Variants in TNC observed in about 807,000 individuals in gnomAD.
TNC encodes the protein tenascin.
In TNC, 109 loss-of-function variants were observed where a neutral mutation model predicts 202.4. The ratio of observed to expected loss-of-function variants is 0.54; its 90% CI spans 0.46 to 0.63. The LOEUF (loss-of-function observed/expected upper bound fraction) is 0.63. Among genes scored for constraint, TNC ranks in the 30% least tolerant of loss-of-function variants. The pLI is 0.00. For synonymous variants in TNC, 1,007 were observed against 1,089.7 expected, an observed-to-expected ratio of 0.92 and a Z score of 1.50; for missense variants, 2,756 against 2,833.3, an observed-to-expected ratio of 0.97 and a Z score of 0.62.
chr9:115,093,799 G>C (rs1448370437), intron 1 of TNC, among the ~76,000 whole-genome samples: 1 of 152,210 alleles, frequency 6.6e-6, no homozygotes. Flanking sequence ...AGTGTGAGTA[G>C]AGTGAGGATT....
At position 115,059,710 on chromosome 9, in the gene TNC, T is replaced by A; in HGVS notation, c.4306+20A>T. On this transcript the variant is annotated intron_variant, in intron 14 of 27. Coordinates refer to ENST00000350763, the MANE Select transcript of TNC (RefSeq NM_002160.4). The stretch of plus-strand genomic sequence containing the variant: ...AGCAAAGAACCTTGGGGAGAAAGCA[T>A]TGACAGGGAGAGGAAGTACCTGTGG... The A allele has an allele frequency of 3.9e-6, 6 of 1,556,890 alleles. No individual in the cohort carries two copies. The highest frequency in any genetic ancestry group is 5.2e-6 in the Non-Finnish European group (6 of 1,152,140).
chr9:115,084,098 GTA>G (rs1834518803), intron 4 of TNC, 109 bp downstream of exon 4: 4 of 1,170,864 alleles, frequency 3.4e-6, no homozygotes, highest in Non-Finnish European at 4.8e-6. Flanking sequence ...CTCTTATTTG[GTA>G]TAACTGTAAA....
chr9:115,090,807 G>A lies in TNC; in HGVS notation c.212C>T (p.Ala71Val). The change falls in exon 2 of 28, where the codon GCC becomes GTC. Residue 71 changes from alanine to valine, a missense_variant. Coordinates refer to ENST00000350763, the MANE Select transcript of TNC (RefSeq NM_002160.4). ...CGGTGCCAGGTCTTTCTCCCCACTG[G>A]CTGACTCCAGATCCACCGAACACTG... ...GSQCSVDLESASGEKDLAPPS... is the reference protein window; with the variant it reads ...GSQCSVDLESVSGEKDLAPPS... 1 of 1,614,148 alleles carries A rather than the reference G, an allele frequency of 6.2e-7. No homozygotes were observed. Among genetic ancestry groups the A allele is most frequent in the Non-Finnish European group, 8.5e-7 (1 of 1,180,018 alleles).
chr9:115,031,608 G>T lies in TNC; in HGVS notation c.5865C>A (p.Ile1955=), dbSNP rs772468160. 6.2e-6 allele frequency: 10 copies of T among 1,611,980 alleles called. No individual in the cohort carries two copies. The highest frequency in any genetic ancestry group is 6.8e-6 in the Non-Finnish European group (8 of 1,179,048). Residue 1955 remains isoleucine, a synonymous_variant, in exon 23 of 28, where the codon ATC becomes ATA. Coordinates refer to ENST00000350763, the MANE Select transcript of TNC (RefSeq NM_002160.4). ...LSPSTHYTAK[I]QALNGPLRSN... Reference sequence around the variant, plus strand: ...TCCTCAGGGGCCCATTGAGTGCCTGGATCTTGGCTGTGTAGTGGGTGGATG... The same window carrying T: ...TCCTCAGGGGCCCATTGAGTGCCTGTATCTTGGCTGTGTAGTGGGTGGATG...
intron 15 of TNC, among the ~76,000 whole-genome samples, chr9:115,056,930 GT>G (rs1832168317): frequency 6.6e-6 from 1 of 152,190 alleles, no homozygotes; most frequent in Non-Finnish European, 1.5e-5. Context: ...ATTTTATGCT[GT>G]AAACATCCTG....
chr9:115,103,410 T>A (rs1025977819), intron 1 of TNC, among the ~76,000 whole-genome samples: 3 of 152,248 alleles, frequency 2.0e-5, no homozygotes, highest in African/African-American at 7.2e-5. Flanking sequence ...TTTCTCATTT[T>A]AAATTTTTAC....
Position 115,064,782 on chromosome 9 carries a change from G to A in TNC, c.3352C>T (p.Arg1118Trp), listed in dbSNP as rs148058884. Reference sequence around the variant, plus strand: ...AGGCTGCCAGGCACGGTGAGGTTCCGAGCTGCCTCCACCTTGTTGGCCTCC... The same window carrying A: ...AGGCTGCCAGGCACGGTGAGGTTCCAAGCTGCCTCCACCTTGTTGGCCTCC... ...VQEANKVEAA[R>W]NLTVPGSLRA... The change falls in exon 11 of 28, where the codon CGG becomes TGG. Residue 1118 changes from arginine (R) to tryptophan (W), a missense_variant. This residue lies in a region of TNC where 2,559 missense variants were observed against 2,546.0 expected (regional missense o/e 1.01). Coordinates refer to ENST00000350763, the MANE Select transcript of TNC (RefSeq NM_002160.4). 399 of 1,614,108 alleles carry A rather than the reference G, an allele frequency of 2.5e-4. 2 individuals carry two copies. The highest frequency in any genetic ancestry group is 1.3e-3 in the Middle Eastern group (8 of 6,062).
intron 16 of TNC, 71 bp downstream of exon 16, chr9:115,048,189 G>C: frequency 6.5e-7 from 1 of 1,546,876 alleles, no homozygotes; most frequent in South Asian, 1.2e-5. Context: ...TAAAGTCATG[G>C]CGATCCGGTA....
intron 17 of TNC, among the ~76,000 whole-genome samples, chr9:115,045,541 A>ATTTTT (rs61415443): frequency 1.1e-4 from 12 of 110,122 alleles, no homozygotes; most frequent in East Asian, 8.1e-4. Flanking sequence ...TAAGTTTTTG[A>ATTTTT]TTTTTTTTTT....
Position 115,084,380 on chromosome 9 carries a change from C to T in TNC, c.1960G>A (p.Val654Ile). The T allele has an allele frequency of 1.2e-6, 2 of 1,614,200 alleles. No individual in the cohort carries two copies. Among genetic ancestry groups the T allele is most frequent in the East Asian group, 2.2e-5 (1 of 44,876 alleles). Reference sequence around the variant, plus strand: ...CCCTCGTGGGTGGGCGTGTACACGACAAGGTACTCTGTGACCCGCATCTCA... The same window carrying T: ...CCCTCGTGGGTGGGCGTGTACACGATAAGGTACTCTGTGACCCGCATCTCA... ...DNEMRVTEYL[V>I]VYTPTHEGGL... is the part of the protein sequence containing the mutation. The change falls in exon 4 of 28, where the codon GTC becomes ATC. Residue 654 changes from valine to isoleucine, a missense_variant. Around this residue, in one of 2 missense-constraint regions of TNC, gnomAD observed 2,559 missense variants for 2,546.0 expected, o/e 1.01. Transcript: ENST00000350763.
intron 9 of TNC, among the ~76,000 whole-genome samples, 181 bp from the exon 10 acceptor site, chr9:115,074,047 A>G (rs182188505): frequency 6.6e-5 from 10 of 152,276 alleles, no homozygotes; most frequent in African/African-American, 1.9e-4. Flanking sequence ...CTAATTATAC[A>G]TCACCCACAT....
intron 15 of TNC, among the ~76,000 whole-genome samples, chr9:115,052,223 T>C (rs760800776): frequency 2.6e-5 from 4 of 151,922 alleles, no homozygotes; most frequent in Non-Finnish European, 4.4e-5. Flanking sequence ...AGACAAATAC[T>C]GCGTGATCTC....
intron 22 of TNC, 53 bp downstream of exon 22, chr9:115,035,151 G>A: frequency 1.3e-6 from 2 of 1,527,284 alleles, no homozygotes; most frequent in Non-Finnish European, 1.8e-6. Flanking sequence ...ATACTTTGAA[G>A]ATCATGCAAA....
chr9:115,078,139 G>C lies in TNC; in HGVS notation c.2478C>G (p.Pro826=). The C allele has an allele frequency of 6.2e-7, 1 of 1,614,122 alleles. No individual in the cohort carries two copies. The highest frequency in any genetic ancestry group is 8.5e-7 in the Non-Finnish European group (1 of 1,179,976). The change falls in exon 7 of 28, where the codon CCC becomes CCG. Residue 826 remains proline (P), a synonymous_variant. Coordinates refer to ENST00000350763, the MANE Select transcript of TNC (RefSeq NM_002160.4). Reference sequence around the variant, plus strand: ...GCTCAATGCCATCGATCTCAGCCAGGGGCTTGAACCAGGTGATCAAGGCAG... The same window carrying C: ...GCTCAATGCCATCGATCTCAGCCAGCGGCTTGAACCAGGTGATCAAGGCAG... ...DTTALITWFK[P]LAEIDGIELT...
Position 115,086,876 on chromosome 9 carries a change from G to C in TNC, c.855C>G (p.Leu285=). The change falls in exon 3 of 28, where the codon CTC becomes CTG. Residue 285 remains leucine (L), a synonymous_variant. Coordinates refer to ENST00000350763, the MANE Select transcript of TNC (RefSeq NM_002160.4). ...AGDDCNKPLC[L]NNCYNRGRCV... ...ATCGTCCACGGTTGTAGCAATTGTT[G>C]AGACACAGAGGCTTGTTGCAGTCAT... is the stretch of plus-strand genomic sequence containing the variant. 1 of 1,614,080 alleles carries C rather than the reference G, an allele frequency of 6.2e-7. No individual in the cohort carries two copies. Among genetic ancestry groups the C allele is most frequent in the African/African-American group, 1.3e-5 (1 of 74,996 alleles).
intron 2 of TNC, among the ~76,000 whole-genome samples, chr9:115,090,301 G>C (rs900123829): frequency 6.6e-6 from 1 of 152,124 alleles, no homozygotes; most frequent in Non-Finnish European, 1.5e-5. Context: ...TATAATTAAG[G>C]TAAAATAGGG....
intron 10 of TNC, among the ~76,000 whole-genome samples, chr9:115,068,161 C>T (rs927378450): frequency 1.7e-4 from 26 of 152,162 alleles, no homozygotes; most frequent in African/African-American, 6.3e-4. Context: ...GGACTTACTG[C>T]CCTAGAAGCC....
Position 115,062,908 on chromosome 9 carries a change from G to T in TNC, c.4033+9C>A. On this transcript the variant is annotated intron_variant, in intron 13 of 27. Transcript: ENST00000350763. ...ATCATGTCTCCAGTCTGGGAGGAGG[G>T]TCATATACCTGTGACGACCTCTACA... 2 of 1,610,822 alleles carry T rather than the reference G, an allele frequency of 1.2e-6. No individual in the cohort carries two copies. The highest frequency in any genetic ancestry group is 2.2e-5 in the East Asian group (1 of 44,782).
intron 21 of TNC, 200 bp downstream of exon 21, chr9:115,035,898 T>C (rs1049714175): frequency 1.7e-6 from 1 of 595,768 alleles, no homozygotes; most frequent in Admixed American, 3.1e-5. Flanking sequence ...GAGACCAAGG[T>C]CATTTCAGTT....
Sources: allele counts gnomAD v4.1 joint callset (sites outside exome capture counted in the v4.1 genomes callset), GRCh38; gene constraint gnomAD v4.1.1; regional missense constraint gnomAD v4.1.1; transcripts MANE v1.5; gene names NCBI Gene and HGNC (gene_info 2026-07-23, HGNC 2026-07-21).